CSMD3: variants seen among roughly 807,000 people sequenced by gnomAD.
The protein encoded by CSMD3 is CUB and Sushi multiple domains 3, also known as CUB and sushi domain-containing protein 3.
A neutral mutation model predicts 435.2 loss-of-function variants in CSMD3; 177 were observed. That is an observed-to-expected ratio of 0.41 (90% CI 0.36 to 0.46). CSMD3 has a LOEUF of 0.46. Among genes scored for constraint, CSMD3 ranks in the 20% least tolerant of loss-of-function variants. The pLI, the probability that CSMD3 is intolerant of heterozygous loss-of-function variation, is 0.34. For synonymous variants in CSMD3, 1,656 were observed against 1,520.5 expected (o/e 1.09, Z -2.07); for missense variants, 4,265 against 4,504.6 (o/e 0.95, Z 1.52).
chr8:112,778,556 C>T (rs1055456813), intron 13 of CSMD3, among the ~76,000 whole-genome samples: 3 of 151,864 alleles, frequency 2.0e-5, no homozygotes, highest in African/African-American at 4.8e-5. Context: ...TTCTTTTTAG[C>T]GCCATAGTTT....
chr8:113,122,086 T>C (rs1250868133), intron 4 of CSMD3, among the ~76,000 whole-genome samples: 2 of 152,122 alleles, frequency 1.3e-5, no homozygotes, highest in African/African-American at 2.4e-5. Flanking sequence ...ATACCAATTG[T>C]GTGGTTTCTT....
intron 61 of CSMD3, among the ~76,000 whole-genome samples, chr8:112,260,163 G>C (rs928974699): frequency 3.9e-5 from 6 of 152,210 alleles, no homozygotes; most frequent in African/African-American, 1.2e-4. Context: ...AGAGAAAAAA[G>C]CATTCCTCTT....
chr8:112,231,372 T>C (rs921694376), intron 69 of CSMD3, among the ~76,000 whole-genome samples, 173 bp downstream of exon 69: 1 of 152,190 alleles, frequency 6.6e-6, no homozygotes, highest in Non-Finnish European at 1.5e-5. Context: ...AAAGATCCAG[T>C]ATTTTGAAGA....
rs146716032 is a variant in CSMD3 at position 112,969,805 on chromosome 8, C to A, written c.1342+6032G>T. 5.9e-4 allele frequency among the ~76,000 whole-genome samples: 90 copies of A among 152,042 alleles called. No individual in the cohort carries two copies. In the East Asian group the frequency reaches 0.017, roughly 28 times the overall value. On this transcript the variant is annotated intron_variant, in intron 7 of 70. Transcript: ENST00000297405. ...ACATATTGAAAAAATTTCTATTATTCTACTAAAGTCTCCAAGAAAAGTAAT... is the reference window on the plus strand; with the variant it reads ...ACATATTGAAAAAATTTCTATTATTATACTAAAGTCTCCAAGAAAAGTAAT...
chr8:113,074,036 T>A (rs565265767), intron 5 of CSMD3, among the ~76,000 whole-genome samples: 1 of 151,984 alleles, frequency 6.6e-6, no homozygotes, highest in East Asian at 1.9e-4. Flanking sequence ...GTGACTTTAT[T>A]GCTAAATATT....
At chr8:112,373,471 T>A (rs1264050449) in intron 38 of CSMD3, among the ~76,000 whole-genome samples, 1 of 151,700 alleles carries the variant, frequency 6.6e-6, no homozygotes, top group Non-Finnish European at 1.5e-5. Flanking sequence ...TACCCAGTTG[T>A]TTAAGTATTT....
chr8:112,466,329 G>A (rs1261003851), intron 32 of CSMD3, among the ~76,000 whole-genome samples: 1 of 152,024 alleles, frequency 6.6e-6, no homozygotes, highest in East Asian at 1.9e-4. Flanking sequence ...AAAATATGGA[G>A]AAAATTGGTG....
chr8:113,333,909 G>T (rs1352612884), intron 1 of CSMD3, among the ~76,000 whole-genome samples: 1 of 151,814 alleles, frequency 6.6e-6, no homozygotes, highest in Non-Finnish European at 1.5e-5. Context: ...AGCTCAGCAT[G>T]TCTCTCCATT....
chr8:112,784,489 T>C (rs965300684), intron 13 of CSMD3, among the ~76,000 whole-genome samples: 2 of 151,498 alleles, frequency 1.3e-5, no homozygotes, highest in Non-Finnish European at 3.0e-5. Flanking sequence ...AAAATTTGTG[T>C]TTCAAAAAGA....
chr8:112,936,492 CA>C (rs1330505248), intron 9 of CSMD3, among the ~76,000 whole-genome samples: 1 of 152,012 alleles, frequency 6.6e-6, no homozygotes, highest in African/African-American at 2.4e-5. Flanking sequence ...TCAAATTTTG[CA>C]AGGAAGGGTC....
At chr8:113,110,010 T>C (rs1246823110) in intron 4 of CSMD3, among the ~76,000 whole-genome samples, 1 of 152,146 alleles carries the variant, frequency 6.6e-6, no homozygotes, top group Non-Finnish European at 1.5e-5. Context: ...TCCATAAGTA[T>C]CCCCAGTCCC....
At chr8:113,341,618 G>A (rs2094119343) in intron 1 of CSMD3, among the ~76,000 whole-genome samples, 1 of 151,958 alleles carries the variant, frequency 6.6e-6, no homozygotes, top group Admixed American at 6.6e-5. Context: ...GTATCTGAAA[G>A]GCTGTTTAAA....
intron 10 of CSMD3, among the ~76,000 whole-genome samples, chr8:112,885,379 TAC>T (rs2081561478): frequency 7.4e-6 from 1 of 134,590 alleles, no homozygotes; most frequent in African/African-American, 2.8e-5. Context: ...TATATATATA[TAC>T]ATATATATAT....
At chr8:113,399,053 C>G (rs1310902231) in intron 1 of CSMD3, among the ~76,000 whole-genome samples, 1 of 129,398 alleles carries the variant, frequency 7.7e-6, no homozygotes, top group Non-Finnish European at 1.6e-5. Context: ...AAGGTAAAAT[C>G]AAAACCATAC....
intron 22 of CSMD3, among the ~76,000 whole-genome samples, chr8:112,598,262 T>C (rs1831950122): frequency 7.1e-6 from 1 of 140,644 alleles, no homozygotes; most frequent in Admixed American, 7.2e-5. Context: ...TGAACTCCCA[T>C]TCACAATTGC....
At chr8:112,528,651 T>A (rs1825223861) in intron 27 of CSMD3, among the ~76,000 whole-genome samples, 1 of 152,090 alleles carries the variant, frequency 6.6e-6, no homozygotes. Flanking sequence ...CATCGACAAA[T>A]TTCCTTTATG....
At chr8:112,897,304 G>A (rs192402431) in intron 10 of CSMD3, among the ~76,000 whole-genome samples, 326 of 151,350 alleles carry the variant, frequency 2.2e-3, no homozygotes, top group Admixed American at 3.3e-3. Flanking sequence ...TTTATTCCCA[G>A]AACATACTCT....
At chr8:112,494,928 A>G (rs1821187001) in intron 30 of CSMD3, among the ~76,000 whole-genome samples, 1 of 152,124 alleles carries the variant, frequency 6.6e-6, no homozygotes, top group Non-Finnish European at 1.5e-5. Context: ...AAGCACACAT[A>G]TACACACACA....
intron 11 of CSMD3, among the ~76,000 whole-genome samples, chr8:112,852,757 C>T (rs543873632): frequency 6.6e-6 from 1 of 152,048 alleles, no homozygotes; most frequent in Non-Finnish European, 1.5e-5. Context: ...CCCGTATCTA[C>T]TAAAAATACA....
Sources: gnomAD v4.1 joint callset for allele counts (sites outside exome capture counted in the v4.1 genomes callset) on GRCh38, gnomAD v4.1.1 for gene constraint, MANE v1.5 for transcripts, NCBI Gene and HGNC (gene_info 2026-07-23, HGNC 2026-07-21) for gene names.